The following CD36 variants were observed in gnomAD, a reference collection of about 807,000 sequenced individuals.
The protein encoded by CD36 is CD36 molecule (CD36 blood group), also known as platelet glycoprotein 4.
In CD36, 119 loss-of-function variants were observed where a neutral mutation model predicts 55.2. That is an observed-to-expected ratio of 2.15 (90% confidence interval 1.86 to 2.51). The LOEUF (loss-of-function observed/expected upper bound fraction) is 2.51, where lower values mean the gene tolerates loss of function less well. CD36 is among the 30% of genes most tolerant of loss of function. The probability of loss-of-function intolerance (pLI) is 0.00; values close to 1 mark genes in which losing one functional copy is unlikely to be tolerated. For synonymous variants in CD36, 186 were observed against 193.6 expected (o/e 0.96, Z 0.33); for missense variants, 819 against 555.5 (o/e 1.47, Z -4.77).
intron 1 of CD36, among the ~76,000 whole-genome samples, chr7:80,622,237 T>C (rs1793511361): frequency 6.6e-6 from 1 of 152,222 alleles, no homozygotes; most frequent in South Asian, 2.1e-4. Context: ...CATATCCTCA[T>C]TCTTCTGGGG....
rs1277712505 is a variant in CD36, at chr7:80,667,756, T to TG, written c.748+1267_748+1268insG. Among the ~76,000 whole-genome samples the TG allele has an allele frequency of 4.4e-5, 6 of 137,912 alleles. 1 individual carries two copies. In the South Asian group the frequency reaches 7.1e-4, roughly 16 times the overall value. 90.5% of individuals were successfully genotyped at this position (137,912 alleles called of 152,430 possible). A position where few individuals can be genotyped will look rare whatever the true frequency, so the allele number is the denominator to read the frequency against. On this transcript the variant is annotated intron_variant, in intron 8 of 14. Coordinates refer to ENST00000447544, the MANE Select transcript of CD36 (RefSeq NM_001001548.3). ...GCAGGGGTTTTCTTTTGTTTTTTTT[T>TG]TTTTTTTTTTTTGAGACATAGTCTG...
chr7:80,652,329 A>G (rs546889477), intron 3 of CD36, among the ~76,000 whole-genome samples: 6 of 152,304 alleles, frequency 3.9e-5, no homozygotes, highest in African/African-American at 1.2e-4. Flanking sequence ...AGGTACTTAC[A>G]TAAATTCTTG....
intron 1 of CD36, among the ~76,000 whole-genome samples, chr7:80,642,613 C>T (rs1240098879): frequency 1.3e-5 from 2 of 152,038 alleles, no homozygotes; most frequent in Non-Finnish European, 2.9e-5. Context: ...ATTATAATAA[C>T]AATACTTCAT....
At chr7:80,624,339 T>C (rs946918770) in intron 1 of CD36, 1 of 152,144 alleles carries the variant, frequency 6.6e-6, no homozygotes, top group African/African-American at 2.4e-5. Context: ...TTCTCTCTCT[T>C]CTCTCAGGGC....
At chr7:80,611,752 A>C (rs1201622756) in intron 1 of CD36, among the ~76,000 whole-genome samples, 2 of 152,212 alleles carry the variant, frequency 1.3e-5, no homozygotes, top group African/African-American at 4.8e-5. Context: ...GTCAGGAGGC[A>C]GGATAATTTT....
At chr7:80,664,566 ACATCT>A in intron 7 of CD36, 69 bp downstream of exon 7, 1 of 879,668 alleles carries the variant, frequency 1.1e-6, no homozygotes, top group Non-Finnish European at 1.9e-6. Context: ...TATTCATTTA[ACATCT>A]CATAAGACAT....
At chr7:80,639,907 A>T (rs2116282301) in intron 1 of CD36, 1 of 152,114 alleles carries the variant, frequency 6.6e-6, no homozygotes, top group South Asian at 2.1e-4. Context: ...TTAGCCTGGG[A>T]AGAATATTAA....
intron 3 of CD36, among the ~76,000 whole-genome samples, chr7:80,650,979 A>G (rs1027962853): frequency 2.1e-4 from 32 of 152,096 alleles, no homozygotes; most frequent in Admixed American, 6.6e-4. Flanking sequence ...ATGAAAGTAG[A>G]AACTACCAAA....
chr7:80,619,132 T>TA lies in CD36; in HGVS notation c.-184+16753_-184+16754insA, dbSNP rs1359449815. 3.9e-5 allele frequency among the ~76,000 whole-genome samples: 6 copies of TA among 152,182 alleles called. No individual in the cohort carries two copies. In the South Asian group the frequency reaches 1.0e-3, roughly 26 times the overall value. Reference sequence around the variant, plus strand: ...CAGAATGATTCAAAGTCTACTTTGCTTGAGCTCTATAAATGGAACAACAAA... The same window carrying TA: ...CAGAATGATTCAAAGTCTACTTTGCTATGAGCTCTATAAATGGAACAACAAA... On this transcript the variant is annotated intron_variant, in intron 1 of 13. Transcript: ENST00000309881.
intron 1 of CD36, among the ~76,000 whole-genome samples, chr7:80,629,494 A>G (rs10499859): frequency 0.46 from 69,180 of 151,888 alleles, 16,798 homozygotes; most frequent in Non-Finnish European, 0.54. Context: ...ATAGCTCCAC[A>G]TCAACATATG....
At chr7:80,644,605 T>C (rs1217890222) in intron 1 of CD36, among the ~76,000 whole-genome samples, 3 of 152,194 alleles carry the variant, frequency 2.0e-5, no homozygotes, top group African/African-American at 7.2e-5. Context: ...CTACAGGTAA[T>C]ATTTTTGAAA....
intron 1 of CD36, among the ~76,000 whole-genome samples, chr7:80,613,196 TTTC>T (rs1792970623): frequency 6.6e-6 from 1 of 152,114 alleles, no homozygotes; most frequent in Non-Finnish European, 1.5e-5. Flanking sequence ...ATTGTATTAC[TTTC>T]TTTACATTAT....
intron 1 of CD36, among the ~76,000 whole-genome samples, chr7:80,620,309 C>T (rs1316173635): frequency 6.6e-6 from 1 of 152,122 alleles, no homozygotes; most frequent in Non-Finnish European, 1.5e-5. Flanking sequence ...TCTTTCAACA[C>T]TAGTCACAAG....
chr7:80,609,402 C>A (rs1792751091), intron 1 of CD36, among the ~76,000 whole-genome samples: 1 of 152,196 alleles, frequency 6.6e-6, no homozygotes, highest in African/African-American at 2.4e-5. Context: ...GCATAAGGAA[C>A]CACTTCCTCC....
At chr7:80,645,056 T>C (rs1265610429) in intron 1 of CD36, among the ~76,000 whole-genome samples, 2 of 151,152 alleles carry the variant, frequency 1.3e-5, no homozygotes, top group East Asian at 4.0e-4. Flanking sequence ...GTTTCACTCT[T>C]GTTGCCCAGG....
chr7:80,674,060 A>G lies in CD36; in HGVS notation c.1332A>G (p.Ile444Met). The G allele has an allele frequency of 6.2e-7, 1 of 1,612,328 alleles. No individual in the cohort carries two copies. Among genetic ancestry groups the G allele is most frequent in the Non-Finnish European group, 8.5e-7 (1 of 1,178,850 alleles). ...GAAAAATAAACCTCCTTGGCCTGAT[A>G]GAAATGATCTTACTCAGTGTTGGTG... ...VTGKINLLGL[I>M]EMILLSVGVV... is the part of the protein sequence containing the mutation. The change falls in exon 14 of 15, where the codon ATA becomes ATG. Residue 444 changes from isoleucine (I) to methionine (M), a missense_variant. Ile to Met is a conservative substitution (Grantham distance 10). Coordinates refer to ENST00000447544, the MANE Select transcript of CD36 (RefSeq NM_001001548.3).
intron 1 of CD36, among the ~76,000 whole-genome samples, chr7:80,616,170 A>G (rs1284667770): frequency 6.6e-6 from 1 of 152,180 alleles, no homozygotes; most frequent in Non-Finnish European, 1.5e-5. Context: ...GTAAAAATGC[A>G]TTTAATACAT....
At chr7:80,648,196 C>G (rs1412078191) in intron 3 of CD36, among the ~76,000 whole-genome samples, 1 of 152,058 alleles carries the variant, frequency 6.6e-6, no homozygotes, top group Non-Finnish European at 1.5e-5. Flanking sequence ...TGGGGCTTAT[C>G]TAATAGTGGG....
intron 1 of CD36, among the ~76,000 whole-genome samples, chr7:80,644,007 G>C (rs754229958): frequency 1.3e-5 from 2 of 152,106 alleles, no homozygotes; most frequent in Non-Finnish European, 2.9e-5. Context: ...ACAACATACA[G>C]AACACCAGCA....
Sources: gnomAD v4.1 joint callset for allele counts (sites outside exome capture counted in the v4.1 genomes callset) on GRCh38, gnomAD v4.1.1 for gene constraint, MANE v1.5 for transcripts, NCBI Gene and HGNC (gene_info 2026-07-23, HGNC 2026-07-21) for gene names.